GLI3: variants seen among roughly 807,000 people sequenced by gnomAD.
GLI3 encodes the protein GLI family zinc finger 3.
In GLI3, 20 loss-of-function variants were observed where a neutral mutation model predicts 100.8. The ratio of observed to expected loss-of-function variants is 0.20; its 90% CI spans 0.14 to 0.29. The LOEUF (loss-of-function observed/expected upper bound fraction) is 0.29, where lower values mean the gene tolerates loss of function less well. Among genes scored for constraint, GLI3 ranks in the 10% least tolerant of loss-of-function variants. GLI3 has a pLI of 1.00. For missense variants in GLI3, 2,040 were observed against 2,128.5 expected (o/e 0.96, Z 0.82); for synonymous variants, 938 against 860.5 (o/e 1.09, Z -1.58).
rs931811892 is a variant in GLI3 at position 42,017,981 on chromosome 7, G to A, written c.1497+5487C>T. On this transcript the variant is annotated intron_variant, in intron 10 of 14. Coordinates refer to ENST00000395925, the MANE Select transcript of GLI3 (RefSeq NM_000168.6). ...ACAGTATGATAAGTGAGAAAATAAC[G>A]TTCTAAGGGGTCAAATGGTTCTAAG... Among the ~76,000 whole-genome samples the A allele has an allele frequency of 5.9e-5, 9 of 152,254 alleles. No individual in the cohort carries two copies. In the South Asian group the frequency reaches 8.3e-4, roughly 14 times the overall value.
intron 13 of GLI3, among the ~76,000 whole-genome samples, chr7:41,970,266 A>C (rs986473163): frequency 6.6e-6 from 1 of 152,172 alleles, no homozygotes; most frequent in South Asian, 2.1e-4. Context: ...TTATAGCATG[A>C]TGATCAAATC....
chr7:41,971,432 T>G (rs1787362007), intron 13 of GLI3, among the ~76,000 whole-genome samples: 1 of 152,248 alleles, frequency 6.6e-6, no homozygotes, highest in Admixed American at 6.5e-5. Flanking sequence ...TCTACTATAC[T>G]ATCTACTCTT....
intron 1 of GLI3, among the ~76,000 whole-genome samples, chr7:42,223,551 G>A (rs745964282): frequency 6.6e-6 from 1 of 152,164 alleles, no homozygotes; most frequent in Non-Finnish European, 1.5e-5. Context: ...TCCCTACTGA[G>A]CGTTTGGTAT....
At chr7:42,104,817 C>T (rs1785540235) in intron 3 of GLI3, among the ~76,000 whole-genome samples, 1 of 152,120 alleles carries the variant, frequency 6.6e-6, no homozygotes, top group Non-Finnish European at 1.5e-5. Flanking sequence ...TTGGCCGTTC[C>T]ACCACGTGAG....
At chr7:42,261,705 G>C (rs1789141773) in intron 1 of GLI3, among the ~76,000 whole-genome samples, 1 of 152,222 alleles carries the variant, frequency 6.6e-6, no homozygotes, top group Non-Finnish European at 1.5e-5. Flanking sequence ...GCAAGCCATA[G>C]ACTGCAGGAT....
In GLI3 at chr7:42,050,996, T is replaced by C. The variant is rs1784341206; in HGVS notation, c.474-2300A>G. Among the ~76,000 whole-genome samples the C allele has an allele frequency of 2.0e-5, 3 of 152,182 alleles. No individual in the cohort carries two copies. In the South Asian group the frequency reaches 6.2e-4, roughly 32 times the overall value. ...AAGCTGTTTTCTCCTCACAAAAGTCTATCAAGTCTGATGTCCCTGTCACTG... is the reference window on the plus strand; with the variant it reads ...AAGCTGTTTTCTCCTCACAAAAGTCCATCAAGTCTGATGTCCCTGTCACTG... On this transcript the variant is annotated intron_variant, in intron 4 of 14. Coordinates refer to ENST00000395925, the MANE Select transcript of GLI3 (RefSeq NM_000168.6).
chr7:42,019,042 T>C (rs1788854671), intron 10 of GLI3, among the ~76,000 whole-genome samples: 1 of 152,218 alleles, frequency 6.6e-6, no homozygotes, highest in Admixed American at 6.5e-5. Context: ...GGGATAATAT[T>C]ACATGTGTTA....
intron 2 of GLI3, among the ~76,000 whole-genome samples, chr7:42,183,231 T>TAA (rs962805385): frequency 2.0e-5 from 3 of 151,138 alleles, no homozygotes; most frequent in African/African-American, 7.3e-5. Context: ...CTCAAAAAAT[T>TAA]AAAAAAAAAT....
At chr7:42,213,109 G>A (rs1788303241) in intron 2 of GLI3, among the ~76,000 whole-genome samples, 1 of 152,238 alleles carries the variant, frequency 6.6e-6, no homozygotes, top group African/African-American at 2.4e-5. Context: ...GAAAGAATCT[G>A]TGGATTTTTT....
chr7:42,198,964 G>C (rs991890283), intron 2 of GLI3, among the ~76,000 whole-genome samples: 3 of 150,168 alleles, frequency 2.0e-5, no homozygotes, highest in African/African-American at 4.9e-5. Context: ...AAAAGACTTG[G>C]GACAATTTCA....
At chr7:42,174,282 C>A (rs1293353884) in intron 2 of GLI3, among the ~76,000 whole-genome samples, 1 of 152,274 alleles carries the variant, frequency 6.6e-6, no homozygotes, top group East Asian at 1.9e-4. Context: ...AGGTAACCTT[C>A]CCACAAAATA....
At chr7:42,195,203 T>C (rs1787906505) in intron 2 of GLI3, among the ~76,000 whole-genome samples, 1 of 152,228 alleles carries the variant, frequency 6.6e-6, no homozygotes, top group Admixed American at 6.5e-5. Flanking sequence ...TTACATACAC[T>C]GTAGCTTGAG....
At chr7:42,241,627 C>T (rs1269829878), upstream of GLI3, among the ~76,000 whole-genome samples, 1 of 152,220 alleles carries the variant, frequency 6.6e-6, no homozygotes, top group Non-Finnish European at 1.5e-5. Context: ...TCTCACTCAG[C>T]ACCCGCGTAA....
At chr7:42,015,259 C>T (rs1788725190) in intron 10 of GLI3, among the ~76,000 whole-genome samples, 3 of 152,016 alleles carry the variant, frequency 2.0e-5, no homozygotes. Context: ...TCTTCCCATC[C>T]CCCACTCACT....
intron 10 of GLI3, among the ~76,000 whole-genome samples, chr7:42,008,494 C>A (rs1788523314): frequency 6.6e-6 from 1 of 152,138 alleles, no homozygotes; most frequent in Admixed American, 6.5e-5. Context: ...CAGGTTGGAG[C>A]ATAGTGGCTA....
chr7:42,188,479 A>G (rs566268649), intron 2 of GLI3, among the ~76,000 whole-genome samples: 10 of 152,372 alleles, frequency 6.6e-5, no homozygotes, highest in African/African-American at 2.4e-4. Context: ...AGAGATAGGA[A>G]CAAAAAATCA....
Position 41,972,937 on chromosome 7 carries a change from T to C in GLI3, c.1813-310A>G, listed in dbSNP as rs1787404220. Among the ~76,000 whole-genome samples, 1 of 152,148 alleles carries C rather than the reference T, an allele frequency of 6.6e-6. No homozygotes were observed. The highest frequency in any genetic ancestry group is 6.5e-5 in the Admixed American group (1 of 15,278). ...GTGAGTGAGAAGTATCACGGTGCCA[T>C]AATAGGCACTCAATAGATATTTGAT... On this transcript the variant is annotated intron_variant, in intron 12 of 14. Transcript: ENST00000395925. This position sits in a 1 kb window ranked among gnomAD's most constrained non-coding sequence, Gnocchi z 4.4.
intron 2 of GLI3, among the ~76,000 whole-genome samples, chr7:42,171,987 G>A (rs569922841): frequency 1.3e-5 from 2 of 152,134 alleles, no homozygotes; most frequent in African/African-American, 4.8e-5. Context: ...GACGGGGGTG[G>A]GGGTGTCTAT....
intron 1 of GLI3, among the ~76,000 whole-genome samples, chr7:42,228,756 T>C (rs1000433088): frequency 2.6e-5 from 4 of 152,216 alleles, no homozygotes; most frequent in African/African-American, 9.7e-5. Flanking sequence ...TCACCTTCTA[T>C]GAACCTGGCC....
Sources: gnomAD v4.1 joint callset for allele counts (sites outside exome capture counted in the v4.1 genomes callset) on GRCh38, gnomAD v4.1.1 for gene constraint, Gnocchi (gnomAD v3.1) non-coding constraint, MANE v1.5 for transcripts, NCBI Gene and HGNC (gene_info 2026-07-23, HGNC 2026-07-21) for gene names.